SLC2A14: variants seen among roughly 807,000 people sequenced by gnomAD.
The protein encoded by SLC2A14 is solute carrier family 2, facilitated glucose transporter member 14.
In SLC2A14, 13 loss-of-function variants were observed where a neutral mutation model predicts 43.0. The observed-to-expected ratio is 0.30, with a 90% CI of 0.20 to 0.48. The LOEUF (loss-of-function observed/expected upper bound fraction) is 0.48. Ranked by LOEUF, SLC2A14 falls within the 20% of genes least tolerant of loss-of-function variation. The pLI is 0.99. For missense variants in SLC2A14, 428 were observed against 620.4 expected, an observed-to-expected ratio of 0.69 and a Z score of 3.29; for synonymous variants, 190 against 233.8, an observed-to-expected ratio of 0.81 and a Z score of 1.71.
At position 7,814,014 on chromosome 12, in the gene SLC2A14, A is replaced by T; in HGVS notation, c.*302T>A. ...CTATATCCTCTAGTGCGGCAATATC[A>T]GAACCCAAGGGAGGAAAAGCTGGCA... On this transcript the variant is annotated 3_prime_UTR_variant, in exon 11 of 11. Coordinates refer to ENST00000431042, the MANE Select transcript of SLC2A14 (RefSeq NM_001286234.2). 1 of 384,454 alleles carries T rather than the reference A, an allele frequency of 2.6e-6. No homozygotes were observed. Among genetic ancestry groups the T allele is most frequent in the Non-Finnish European group, 4.9e-6 (1 of 205,020 alleles). The allele number at this position is 384,454 out of a possible 1,614,324, so 23.8% of individuals were successfully genotyped here.
At chr12:7,863,136 C>G in intron 2 of SLC2A14, among the ~76,000 whole-genome samples, 1 of 152,206 alleles carries the variant, frequency 6.6e-6, no homozygotes, top group African/African-American at 2.4e-5. Flanking sequence ...TAACTCTCAC[C>G]GCAAAGGTCT....
intron 1 of SLC2A14, among the ~76,000 whole-genome samples, chr12:7,887,640 C>A (rs1181629736): frequency 6.6e-6 from 1 of 151,920 alleles, no homozygotes; most frequent in African/African-American, 2.4e-5. Context: ...ATGTATGTTA[C>A]CTGTGTTGCC....
At chr12:7,843,023 T>A (rs1049399329) in intron 2 of SLC2A14, among the ~76,000 whole-genome samples, 4 of 152,008 alleles carry the variant, frequency 2.6e-5, no homozygotes, top group Non-Finnish European at 5.9e-5. Context: ...CCACCGCGCC[T>A]GGCCACATAA....
chr12:7,874,770 A>AATTATATATAAAT (rs1313712965), upstream of SLC2A14, among the ~76,000 whole-genome samples: 4 of 8,382 alleles, frequency 4.8e-4, no homozygotes, highest in African/African-American at 1.3e-3. Flanking sequence ...TAACTATATA[A>AATTATATATAAAT]ACATATATAA....
intron 2 of SLC2A14, among the ~76,000 whole-genome samples, chr12:7,839,321 A>G (rs4883451): frequency 0.22 from 26,887 of 120,856 alleles, 1,460 homozygotes; most frequent in South Asian, 0.29. Context: ...TGAAAACAGC[A>G]TTTCAAACAG....
chr12:7,862,852 T>C (rs912451759), intron 2 of SLC2A14, among the ~76,000 whole-genome samples: 1 of 152,082 alleles, frequency 6.6e-6, no homozygotes, highest in Non-Finnish European at 1.5e-5. Flanking sequence ...GGAAACTCTG[T>C]ATCTAACTAA....
intron 1 of SLC2A14, chr12:7,871,856 C>A: frequency 3.1e-6 from 3 of 978,052 alleles, no homozygotes; most frequent in Non-Finnish European, 3.6e-6. Context: ...CCTGTTGAGA[C>A]ACCAGCGCAC....
At chr12:7,827,462 A>G (rs17727996) in intron 7 of SLC2A14, 33 bp downstream of exon 7, 39,301 of 1,604,890 alleles carry the variant, frequency 0.024, 634 homozygotes, top group Middle Eastern at 0.049. Flanking sequence ...GAAATATTGT[A>G]AGACACGTTT....
intron 6 of SLC2A14, 112 bp from the exon 7 acceptor site, chr12:7,827,794 C>T: frequency 1.3e-6 from 2 of 1,514,442 alleles, no homozygotes; most frequent in Non-Finnish European, 1.8e-6. Context: ...GGGTAGCATC[C>T]ATTCCTGAAC....
chr12:7,886,234 T>A (rs927551808), intron 1 of SLC2A14, among the ~76,000 whole-genome samples: 1 of 140,798 alleles, frequency 7.1e-6, no homozygotes, highest in African/African-American at 2.7e-5. Context: ...CAATCATGGC[T>A]CACTGAAGCC....
intron 1 of SLC2A14, among the ~76,000 whole-genome samples, chr12:7,888,666 T>A (rs970312759): frequency 6.6e-6 from 1 of 151,702 alleles, no homozygotes; most frequent in Non-Finnish European, 1.5e-5. Context: ...GGCGTGGTGG[T>A]GCATGCCTGT....
intron 7 of SLC2A14, among the ~76,000 whole-genome samples, chr12:7,825,821 A>ACC (rs72518426): frequency 8.1e-5 from 12 of 148,172 alleles, no homozygotes; most frequent in Non-Finnish European, 9.0e-5. Flanking sequence ...TGCACATACC[A>ACC]CTCTGAAGTG....
intron 2 of SLC2A14, among the ~76,000 whole-genome samples, chr12:7,866,429 A>G (rs1404472186): frequency 6.6e-6 from 1 of 151,860 alleles, no homozygotes; most frequent in African/African-American, 2.4e-5. Flanking sequence ...CAGTGGCATG[A>G]TCTCAGCTCA....
In SLC2A14 at chr12:7,826,868, T is replaced by TCCCTC. The variant is rs1491155908; in HGVS notation, c.864+626_864+627insGAGGG. On this transcript the variant is annotated intron_variant, in intron 7 of 10. Coordinates refer to ENST00000431042, the MANE Select transcript of SLC2A14 (RefSeq NM_001286234.2). ...TTCCTTCCTTCCTTTCTTTTTTCTT[T>TCCCTC]CTTTCTTTCTTTCTTTCTTTCTTTC... Among the ~76,000 whole-genome samples, 29 of 51,118 alleles carry TCCCTC rather than the reference T, an allele frequency of 5.7e-4. 2 individuals carry two copies. The highest frequency in any genetic ancestry group is 1.9e-3 in the African/African-American group (24 of 12,966). The allele number at this position is 51,118 out of a possible 152,430, so 33.5% of individuals were successfully genotyped here.
At chr12:7,840,192 TC>T (rs1284407411) in intron 2 of SLC2A14, among the ~76,000 whole-genome samples, 1 of 130,838 alleles carries the variant, frequency 7.6e-6, no homozygotes, top group African/African-American at 2.8e-5. Context: ...TTTTTGCCCT[TC>T]TGCCTTCCAC....
At chr12:7,882,140 G>A (rs753196835) in intron 1 of SLC2A14, among the ~76,000 whole-genome samples, 10 of 151,962 alleles carry the variant, frequency 6.6e-5, no homozygotes, top group East Asian at 1.9e-4. Context: ...CTCAGTTTTT[G>A]GGTCTGCACT....
At chr12:7,821,996 TTG>T (rs1353083328) in intron 7 of SLC2A14, among the ~76,000 whole-genome samples, 3 of 151,884 alleles carry the variant, frequency 2.0e-5, no homozygotes, top group African/African-American at 7.2e-5. Context: ...GGCTAATTTT[TTG>T]TATTTTTAGT....
In SLC2A14 at chr12:7,826,554, G is replaced by C. The variant is rs1410995085; in HGVS notation, c.864+941C>G. ...ATCAAAGACTAATGGAAAACCCTCA[G>C]GGGATGAAGTACAAGGGTGCTCTTC... On this transcript the variant is annotated intron_variant, in intron 7 of 10. Coordinates refer to ENST00000431042, the MANE Select transcript of SLC2A14 (RefSeq NM_001286234.2). Among the ~76,000 whole-genome samples, 3 of 152,224 alleles carry C rather than the reference G, an allele frequency of 2.0e-5. No individual in the cohort carries two copies. In the East Asian group the frequency reaches 5.8e-4, roughly 29 times the overall value.
intron 1 of SLC2A14, among the ~76,000 whole-genome samples, chr12:7,883,728 C>T (rs770637090): frequency 3.3e-5 from 5 of 149,304 alleles, no homozygotes; most frequent in Admixed American, 1.4e-4. Context: ...GGATTACAGG[C>T]GCCCACCACC....
Sources: allele counts gnomAD v4.1 joint callset (sites outside exome capture counted in the v4.1 genomes callset), GRCh38; gene constraint gnomAD v4.1.1; transcripts MANE v1.5; gene names NCBI Gene and HGNC (gene_info 2026-07-23, HGNC 2026-07-21).